Variants in WASHC2C observed in about 807,000 individuals in gnomAD.
WASHC2C encodes the protein Vaccinia Penetration Factor.
In WASHC2C, 73 loss-of-function variants were observed where a neutral mutation model predicts 142.2. That is an observed-to-expected ratio of 0.51 (90% CI 0.43 to 0.62). The LOEUF (loss-of-function observed/expected upper bound fraction) is 0.62, where lower values mean the gene tolerates loss of function less well. WASHC2C is among the 20% of genes least tolerant of loss of function. The probability of loss-of-function intolerance (pLI) is 0.00; values close to 1 mark genes in which losing one functional copy is unlikely to be tolerated. For missense variants in WASHC2C, 969 were observed against 1,531.7 expected (o/e 0.63, Z 6.13); for synonymous variants, 337 against 565.5 (o/e 0.60, Z 5.73).
chr10:45,769,744 A>C, intron 20 of WASHC2C, 126 bp downstream of exon 20: 1 of 1,324,252 alleles, frequency 7.6e-7, no homozygotes, highest in Non-Finnish European at 1.1e-6. Context: ...TGCCAGTGAG[A>C]ATGTCTTTGC....
intron 8 of WASHC2C, among the ~76,000 whole-genome samples, chr10:45,749,851 A>ATATATTTT (rs2053360631): frequency 2.8e-5 from 3 of 108,138 alleles, no homozygotes; most frequent in South Asian, 5.8e-4. Context: ...ATATATATAT[A>ATATATTTT]TATATTTATA....
At chr10:45,760,071 G>A (rs2054897908) in intron 17 of WASHC2C, among the ~76,000 whole-genome samples, 2 of 148,098 alleles carry the variant, frequency 1.4e-5, no homozygotes, top group African/African-American at 5.0e-5. Context: ...GCTTAATGCT[G>A]TAGCAGATGG....
intron 14 of WASHC2C, 70 bp from the exon 15 acceptor site, chr10:45,754,866 A>G: frequency 1.9e-6 from 3 of 1,571,020 alleles, no homozygotes; most frequent in East Asian, 2.3e-5. Context: ...GTGGGTGATA[A>G]TTTTTTTCTG....
Position 45,750,049 on chromosome 10 carries a change from TTTAGC to T in WASHC2C, c.733-43_733-39del, listed in dbSNP as rs1454257728. 2.6e-6 allele frequency: 4 copies of T among 1,546,538 alleles called. No individual in the cohort carries two copies. In the African/African-American group the frequency reaches 4.2e-5, roughly 16 times the overall value. ...GCCTAAAGGCTGACAGTATCTCTTC[TTTAGC>T]TTAATAACTAGTAGTTCTAATTTGG... On this transcript the variant is annotated intron_variant, in intron 8 of 30. Coordinates refer to ENST00000623400, the MANE Select transcript of WASHC2C (RefSeq NM_001330074.2).
At position 45,757,835 on chromosome 10, in the gene WASHC2C, G is replaced by C. The variant is rs2054501982; in HGVS notation, c.1548+696G>C. On this transcript the variant is annotated intron_variant, in intron 16 of 30. Coordinates refer to ENST00000623400, the MANE Select transcript of WASHC2C (RefSeq NM_001330074.2). ...TGCCACTGATCTGACAGGAGGAGGA[G>C]CTTAGGCAGTAATGCTTGCTGCTCA... Among the ~76,000 whole-genome samples, 4 of 152,380 alleles carry C rather than the reference G, an allele frequency of 2.6e-5. No individual in the cohort carries two copies. In the South Asian group the frequency reaches 8.3e-4, roughly 32 times the overall value.
chr10:45,743,477 A>G lies in WASHC2C; in HGVS notation c.616A>G (p.Ser206Gly). ...AGATGTAGGTCTTGGAGAGCTGTCCAGTGAAGGTACTTTTCTTCACCAAAT... is the reference window on the plus strand; with the variant it reads ...AGATGTAGGTCTTGGAGAGCTGTCCGGTGAAGGTACTTTTCTTCACCAAAT... Reference protein sequence around the residue: ...QEDVGLGELSSEEGSVGSDRG... With the variant: ...QEDVGLGELSGEEGSVGSDRG... The change falls in exon 6 of 31, where the codon AGT becomes GGT. Residue 206 changes from serine (S) to glycine (G), a missense_variant. By Grantham distance (56) the Ser-to-Gly change is moderately conservative (BLOSUM62 0). Coordinates refer to ENST00000623400, the MANE Select transcript of WASHC2C (RefSeq NM_001330074.2). The G allele has an allele frequency of 3.7e-6, 6 of 1,611,706 alleles. No homozygotes were observed. Among genetic ancestry groups the G allele is most frequent in the Non-Finnish European group, 4.2e-6 (5 of 1,179,760 alleles).
intron 4 of WASHC2C, 136 bp downstream of exon 4, chr10:45,738,181 G>A: frequency 6.4e-7 from 1 of 1,565,526 alleles, no homozygotes; most frequent in Non-Finnish European, 8.7e-7. Flanking sequence ...CAGCCCAAGA[G>A]GGGATTCTTT....
chr10:45,760,872 C>A (rs1301595496), intron 17 of WASHC2C, among the ~76,000 whole-genome samples: 1 of 150,374 alleles, frequency 6.7e-6, no homozygotes, highest in Non-Finnish European at 1.5e-5. Flanking sequence ...GCCATGAGGG[C>A]AGGACTTTGT....
At position 45,788,948 on chromosome 10, in the gene WASHC2C, G is replaced by A. The variant is rs553277252; in HGVS notation, c.3165G>A (p.Glu1055=). The stretch of plus-strand genomic sequence containing the variant: ...GGCTGGCTGCTCAGGAGTCCAGCGA[G>A]GCTGAGGACATGAGCGTCCCCAGAG... The part of the protein sequence containing the change: ...ARRLAAQESS[E]AEDMSVPRGP... Residue 1055 remains glutamate (E), a synonymous_variant, in exon 29 of 31, where the codon GAG becomes GAA. Coordinates refer to ENST00000623400, the MANE Select transcript of WASHC2C (RefSeq NM_001330074.2). The A allele has an allele frequency of 1.7e-4, 279 of 1,612,064 alleles. No individual in the cohort carries two copies. The African/African-American group carries it at 3.3e-3, about 19-fold the overall frequency.
chr10:45,748,886 T>C (rs1229953959), intron 8 of WASHC2C, among the ~76,000 whole-genome samples: 2 of 152,228 alleles, frequency 1.3e-5, no homozygotes, highest in Non-Finnish European at 2.9e-5. Flanking sequence ...GGGATCATGC[T>C]CTGGGAGCAT....
At chr10:45,756,986 A>G in intron 15 of WASHC2C, 26 bp from the exon 16 acceptor site, 2 of 1,572,494 alleles carry the variant, frequency 1.3e-6, no homozygotes, top group Non-Finnish European at 8.6e-7. Context: ...CGTTAGTGTC[A>G]TTTTATGCCT....
At chr10:45,759,098 C>T (rs2054717253) in intron 16 of WASHC2C, among the ~76,000 whole-genome samples, 1 of 132,836 alleles carries the variant, frequency 7.5e-6, no homozygotes, top group Non-Finnish European at 1.6e-5. Context: ...CCCATTGACC[C>T]AGACTGTGTG....
rs2923031 is a variant in WASHC2C, at chr10:45,757,084, C to T, written c.1493C>T (p.Ser498Leu). 6 of 1,608,582 alleles carry T rather than the reference C, an allele frequency of 3.7e-6. No homozygotes were observed. Among genetic ancestry groups the T allele is most frequent in the Non-Finnish European group, 5.1e-6 (6 of 1,178,524 alleles). Residue 498 changes from serine to leucine, a missense_variant, in exon 16 of 31, where the codon TCG (serine) becomes TTG (leucine). Transcript: ENST00000623400. ...CTGTTCAAAGAAAAAGCCGTAGCAT[C>T]GCCAGAAGCCACTGTGAGTCAGACA... ...GDLFKEKAVA[S>L]PEATVSQTDE...
intron 18 of WASHC2C, among the ~76,000 whole-genome samples, chr10:45,764,401 C>T (rs1254344520): frequency 6.6e-6 from 1 of 151,728 alleles, no homozygotes; most frequent in Non-Finnish European, 1.5e-5. Flanking sequence ...TGGACCTGTG[C>T]AGCTCAAACC....
At chr10:45,791,536 G>A (rs1484805009) in intron 30 of WASHC2C, among the ~76,000 whole-genome samples, 1 of 145,962 alleles carries the variant, frequency 6.9e-6, no homozygotes, top group Non-Finnish European at 1.5e-5. Flanking sequence ...TTTCATGTCA[G>A]TACGCAGAGA....
chr10:45,769,922 T>C (rs2056403414), intron 20 of WASHC2C, among the ~76,000 whole-genome samples: 1 of 151,806 alleles, frequency 6.6e-6, no homozygotes, highest in Middle Eastern at 3.4e-3. Context: ...CTCTAAAGTA[T>C]GTCAGGTTTG....
chr10:45,764,593 G>A (rs2055560958), intron 18 of WASHC2C, among the ~76,000 whole-genome samples: 1 of 151,382 alleles, frequency 6.6e-6, no homozygotes, highest in African/African-American at 2.5e-5. Flanking sequence ...TAAGAGAGAA[G>A]ACAACCCAAA....
In WASHC2C at chr10:45,780,773, A is replaced by G. The variant is rs1279855328; in HGVS notation, c.2478+1638A>G. ...AACTTTCTTTTTTTTTTTTTTTTGC[A>G]ATGGAGTTTCACTCTTGTCCCCCAG... On this transcript the variant is annotated intron_variant, in intron 23 of 30. Coordinates refer to ENST00000623400, the MANE Select transcript of WASHC2C (RefSeq NM_001330074.2). Among the ~76,000 whole-genome samples, 4 of 145,550 alleles carry G rather than the reference A, an allele frequency of 2.7e-5. No individual in the cohort carries two copies. The East Asian group carries it at 8.0e-4, about 29-fold the overall frequency.
chr10:45,727,792 A>C (rs1392747188), intron 2 of WASHC2C, among the ~76,000 whole-genome samples: 161 of 149,128 alleles, frequency 1.1e-3, no homozygotes, highest in African/African-American at 4.0e-3. Context: ...TCCGGAGGGG[A>C]GATCCGTTTC....
Sources: gnomAD v4.1 joint callset for allele counts (sites outside exome capture counted in the v4.1 genomes callset) on GRCh38, gnomAD v4.1.1 for gene constraint, MANE v1.5 for transcripts, NCBI Gene and HGNC (gene_info 2026-07-23, HGNC 2026-07-21) for gene names.